Variants in ERBB4 observed in about 807,000 individuals in gnomAD.
The protein encoded by ERBB4 is erb-b2 receptor tyrosine kinase 4, also known as receptor tyrosine-protein kinase erbB-4.
Under a neutral mutation model 158.0 loss-of-function variants are expected in ERBB4, and 42 were observed. That is an observed-to-expected ratio of 0.27 (90% confidence interval 0.21 to 0.34). The LOEUF (loss-of-function observed/expected upper bound fraction) is 0.34, where lower values mean the gene tolerates loss of function less well. ERBB4 is among the 10% of genes least tolerant of loss of function. The probability of loss-of-function intolerance (pLI) is 1.00; values close to 1 mark genes in which losing one functional copy is unlikely to be tolerated. For missense variants in ERBB4, 1,333 were observed against 1,624.1 expected, an observed-to-expected ratio of 0.82 and a Z score of 3.08; for synonymous variants, 583 against 558.7, an observed-to-expected ratio of 1.04 and a Z score of -0.61.
chr2:211,631,193 T>A (rs1486455827), intron 16 of ERBB4, among the ~76,000 whole-genome samples: 1 of 152,058 alleles, frequency 6.6e-6, no homozygotes, highest in African/African-American at 2.4e-5. Context: ...CCCAAAGATC[T>A]GTCAACATCA....
chr2:211,856,486 C>T (rs1489898569), intron 3 of ERBB4, among the ~76,000 whole-genome samples: 8 of 151,744 alleles, frequency 5.3e-5, no homozygotes. Flanking sequence ...CCCGGGTTCA[C>T]GCCATTCTCC....
intron 2 of ERBB4, among the ~76,000 whole-genome samples, chr2:212,058,407 C>T (rs568958417): frequency 2.0e-5 from 3 of 150,194 alleles, no homozygotes; most frequent in Admixed American, 6.6e-5. Context: ...TCCAATCAAT[C>T]GAAAAAGAGG....
intron 19 of ERBB4, among the ~76,000 whole-genome samples, chr2:211,584,574 T>C (rs1012348331): frequency 2.6e-5 from 4 of 152,054 alleles, no homozygotes; most frequent in Non-Finnish European, 4.4e-5. Context: ...TCAAAATATA[T>C]TTTGAGTACT....
chr2:211,976,378 T>C (rs2081606584), intron 2 of ERBB4, among the ~76,000 whole-genome samples: 1 of 152,190 alleles, frequency 6.6e-6, no homozygotes, highest in African/African-American at 2.4e-5. Context: ...CTTCATTTCT[T>C]GTTCATTCAC....
chr2:212,167,278 G>A (rs1367609631), intron 1 of ERBB4, among the ~76,000 whole-genome samples: 1 of 152,052 alleles, frequency 6.6e-6, no homozygotes, highest in East Asian at 1.9e-4. Flanking sequence ...AGTGGGCAAA[G>A]GATATGAACA....
chr2:211,700,532 T>C (rs1318048118), intron 12 of ERBB4, among the ~76,000 whole-genome samples: 1 of 152,166 alleles, frequency 6.6e-6, no homozygotes. Context: ...TATAAGAGAA[T>C]TCCTCACAAA....
chr2:212,100,184 C>T (rs995987550), intron 2 of ERBB4, among the ~76,000 whole-genome samples: 5 of 152,142 alleles, frequency 3.3e-5, no homozygotes, highest in Non-Finnish European at 7.3e-5. Flanking sequence ...TGGCTGTTTT[C>T]AGCTAATGGG....
intron 1 of ERBB4, among the ~76,000 whole-genome samples, chr2:212,403,192 A>G (rs971810859): frequency 6.6e-6 from 1 of 152,100 alleles, no homozygotes; most frequent in Non-Finnish European, 1.5e-5. Flanking sequence ...TTCAAAAAAA[A>G]TTGTTAAATG....
At chr2:211,538,692 T>G (rs2066719535) in intron 20 of ERBB4, among the ~76,000 whole-genome samples, 1 of 151,864 alleles carries the variant, frequency 6.6e-6, no homozygotes, top group Non-Finnish European at 1.5e-5. Flanking sequence ...GGTTCAAGCA[T>G]GAATTTGTAT....
intron 20 of ERBB4, among the ~76,000 whole-genome samples, chr2:211,542,356 A>G (rs1574710385): frequency 6.6e-6 from 1 of 151,938 alleles, no homozygotes; most frequent in East Asian, 1.9e-4. Flanking sequence ...GACACTATGG[A>G]GTGGAAGAGG....
intron 3 of ERBB4, among the ~76,000 whole-genome samples, chr2:211,814,803 G>A (rs770338456): frequency 6.6e-6 from 1 of 152,156 alleles, no homozygotes; most frequent in Admixed American, 6.5e-5. Flanking sequence ...TCTCGATAAT[G>A]TTTCCCAGCA....
chr2:212,445,024 C>A (rs1047973201), intron 1 of ERBB4, among the ~76,000 whole-genome samples: 22 of 151,866 alleles, frequency 1.4e-4, no homozygotes, highest in Non-Finnish European at 2.6e-4. Context: ...AAAGCATTGT[C>A]TCTGACCAAG....
intron 1 of ERBB4, among the ~76,000 whole-genome samples, chr2:212,224,614 G>A (rs10172865): frequency 0.48 from 73,230 of 151,660 alleles, 18,060 homozygotes; most frequent in East Asian, 0.76. Context: ...CTAATATCTT[G>A]GCAACAACCC....
chr2:212,238,086 C>T (rs1279633221), intron 1 of ERBB4, among the ~76,000 whole-genome samples: 3 of 152,172 alleles, frequency 2.0e-5, no homozygotes, highest in African/African-American at 4.8e-5. Context: ...GAGGAGTAAA[C>T]GGTTCTGTCT....
chr2:211,573,673 AAAAT>A (rs1265194954), intron 19 of ERBB4, among the ~76,000 whole-genome samples: 5 of 143,472 alleles, frequency 3.5e-5, no homozygotes, highest in Middle Eastern at 3.6e-3. Context: ...CCGTCTCAAA[AAAAT>A]AAATAAATAA....
intron 1 of ERBB4, among the ~76,000 whole-genome samples, chr2:212,175,607 AT>A (rs772882128): frequency 0.24 from 32,076 of 134,010 alleles, 4,515 homozygotes; most frequent in Non-Finnish European, 0.35. Context: ...CAGAATATGT[AT>A]TTTTTTTTTT....
At chr2:212,494,792 C>G (rs566605620) in intron 1 of ERBB4, among the ~76,000 whole-genome samples, 2 of 152,158 alleles carry the variant, frequency 1.3e-5, no homozygotes, top group Admixed American at 1.3e-4. Context: ...TGGGCATTTT[C>G]TAGAAATTAA....
chr2:211,540,182 CATGA>C (rs2066760194), intron 20 of ERBB4, among the ~76,000 whole-genome samples: 1 of 108,356 alleles, frequency 9.2e-6, no homozygotes, highest in African/African-American at 3.5e-5. Context: ...CCCTGACCTA[CATGA>C]TTTATATATA....
chr2:211,922,048 T>G (rs1313362212), intron 3 of ERBB4, among the ~76,000 whole-genome samples: 1 of 152,076 alleles, frequency 6.6e-6, no homozygotes, highest in African/African-American at 2.4e-5. Flanking sequence ...AAATAGGAGT[T>G]GATAGGAGTT....
Sources: gnomAD v4.1 joint callset for allele counts (sites outside exome capture counted in the v4.1 genomes callset) on GRCh38, gnomAD v4.1.1 for gene constraint, MANE v1.5 for transcripts, NCBI Gene and HGNC (gene_info 2026-07-23, HGNC 2026-07-21) for gene names.